Variants in RPS6KA2 observed in about 807,000 individuals in gnomAD.
RPS6KA2 encodes the protein ribosomal protein S6 kinase alpha-2.
RPS6KA2 carries 42 observed loss-of-function variants against 91.8 expected under a neutral mutation model. The observed-to-expected ratio is 0.46, with a 90% CI of 0.36 to 0.59. The LOEUF (loss-of-function observed/expected upper bound fraction) is 0.59, where lower values mean the gene tolerates loss of function less well. Ranked by LOEUF, RPS6KA2 falls within the 20% of genes least tolerant of loss-of-function variation. The pLI, the probability that RPS6KA2 is intolerant of heterozygous loss-of-function variation, is 0.00. For synonymous variants in RPS6KA2, 414 were observed against 393.6 expected (o/e 1.05, Z -0.61); for missense variants, 798 against 978.5 (o/e 0.82, Z 2.46).
At chr6:166,614,241 G>A (rs1202707370) in intron 1 of RPS6KA2, among the ~76,000 whole-genome samples, 1 of 152,228 alleles carries the variant, frequency 6.6e-6, no homozygotes, top group Non-Finnish European at 1.5e-5. Flanking sequence ...TTGATTTGTA[G>A]ACAGATATAG....
intron 2 of RPS6KA2, chr6:166,771,053 T>C: frequency 4.7e-6 from 3 of 632,680 alleles, no homozygotes; most frequent in Non-Finnish European, 7.7e-6. Context: ...CTCCACATAA[T>C]TTTAAGTAAT....
chr6:166,860,552 A>C (rs1307695210), intron 1 of RPS6KA2, among the ~76,000 whole-genome samples: 1 of 152,156 alleles, frequency 6.6e-6, no homozygotes, highest in African/African-American at 2.4e-5. Context: ...TGGTCACTGG[A>C]AATAATGTAA....
intron 2 of RPS6KA2, among the ~76,000 whole-genome samples, chr6:166,651,321 A>AT (rs961694146): frequency 6.6e-6 from 1 of 152,206 alleles, no homozygotes. Flanking sequence ...CAATTCAAAG[A>AT]TTTTTTTAAC....
At chr6:166,597,200 G>T (rs896134250) in intron 1 of RPS6KA2, among the ~76,000 whole-genome samples, 1 of 152,208 alleles carries the variant, frequency 6.6e-6, no homozygotes. Flanking sequence ...GGGGACATAG[G>T]CTACGGGATA....
rs6456099 is a variant in RPS6KA2, at chr6:166,639,173, T to C, written c.124-100389A>G. 0.33 allele frequency among the ~76,000 whole-genome samples: 49,531 copies of C among 152,066 alleles called. 8,528 individuals are homozygous for C. Among genetic ancestry groups the C allele is most frequent in the African/African-American group, 0.43 (17,952 of 41,454 alleles). On this transcript the variant is annotated intron_variant, in intron 2 of 21. Transcript: ENST00000503859. The surrounding 1 kb of genome is among the most constrained non-coding windows in gnomAD (Gnocchi z 4.2). ...TGGGAAGGCAGTCGACTCCCAAATA[T>C]GAGAATTTGTATCTGAAAACTCCCC...
At chr6:166,772,264 C>T (rs1240633319) in intron 2 of RPS6KA2, among the ~76,000 whole-genome samples, 8 of 151,988 alleles carry the variant, frequency 5.3e-5, no homozygotes, top group African/African-American at 1.9e-4. Flanking sequence ...GCCCCCCCAC[C>T]ACTGGGAGAA....
chr6:166,583,293 C>T (rs1338704078), intron 1 of RPS6KA2, among the ~76,000 whole-genome samples: 1 of 152,192 alleles, frequency 6.6e-6, no homozygotes, highest in Admixed American at 6.5e-5. Flanking sequence ...GCACTCTGCA[C>T]CCTGTAGGAC....
At chr6:166,753,528 G>C (rs547438650) in intron 2 of RPS6KA2, among the ~76,000 whole-genome samples, 9 of 152,104 alleles carry the variant, frequency 5.9e-5, no homozygotes, top group Middle Eastern at 3.4e-3. Flanking sequence ...TTAATACTAT[G>C]ACATCATATT....
intron 1 of RPS6KA2, among the ~76,000 whole-genome samples, chr6:166,541,348 T>C (rs531006931): frequency 7.9e-5 from 12 of 152,354 alleles, no homozygotes; most frequent in Non-Finnish European, 1.5e-4. Context: ...AGCCCTTGTG[T>C]ATGTTTCCTA....
At chr6:166,850,041 T>C (rs1311772807) in intron 2 of RPS6KA2, among the ~76,000 whole-genome samples, 4 of 152,288 alleles carry the variant, frequency 2.6e-5, no homozygotes, top group African/African-American at 9.6e-5. Context: ...CGTTTCCTTC[T>C]TGGTGGCCAC....
intron 1 of RPS6KA2, among the ~76,000 whole-genome samples, chr6:166,587,088 A>T (rs140933355): frequency 9.0e-4 from 137 of 152,384 alleles, no homozygotes; most frequent in African/African-American, 3.1e-3. Context: ...GGGTCCCCCA[A>T]ATCCCCATGT....
At chr6:166,470,067 T>C (rs1053239424) in intron 10 of RPS6KA2, among the ~76,000 whole-genome samples, 162 bp from the exon 11 acceptor site, 2 of 152,180 alleles carry the variant, frequency 1.3e-5, no homozygotes, top group African/African-American at 2.4e-5. Context: ...CACCTGCCGA[T>C]GCCCCCAGCT....
chr6:166,414,428 G>A (rs553115542), intron 19 of RPS6KA2, among the ~76,000 whole-genome samples: 2 of 152,210 alleles, frequency 1.3e-5, no homozygotes, highest in East Asian at 3.9e-4. Flanking sequence ...GTGCAATAAT[G>A]GTATTTTTCC....
At position 166,430,263 on chromosome 6, in the gene RPS6KA2, C is replaced by T. The variant is rs529174801; in HGVS notation, c.1581+190G>A. ...GATTACAGGTGTGAGCCACTGCACC[C>T]GGCTGGGAAGAGAATTTTTCTTCCC... is the stretch of plus-strand genomic sequence containing the variant. On this transcript the variant is annotated intron_variant, in intron 16 of 20. Coordinates refer to ENST00000265678, the MANE Select transcript of RPS6KA2 (RefSeq NM_021135.6). Among the ~76,000 whole-genome samples, 2 of 152,218 alleles carry T rather than the reference C, an allele frequency of 1.3e-5. No individual in the cohort carries two copies. Among genetic ancestry groups the T allele is most frequent in the South Asian group, 2.1e-4 (1 of 4,822 alleles).
intron 2 of RPS6KA2, among the ~76,000 whole-genome samples, chr6:166,720,924 T>C (rs1790152452): frequency 6.6e-6 from 1 of 152,132 alleles, no homozygotes; most frequent in Admixed American, 6.5e-5. Context: ...TCTCAGATAG[T>C]TGAGGAGAAG....
rs147344643 is a variant in RPS6KA2, at chr6:166,490,240, C to T, written c.818+431G>A. Reference sequence around the variant, plus strand: ...TCAGCAGGTGGGGAGGGAAAGGAGACCCCTGCTCCTGTGATCTCTCCGGAC... The same window carrying T: ...TCAGCAGGTGGGGAGGGAAAGGAGATCCCTGCTCCTGTGATCTCTCCGGAC... On this transcript the variant is annotated intron_variant, in intron 9 of 20. Transcript: ENST00000265678. This position sits in a 1 kb window ranked among gnomAD's most constrained non-coding sequence, Gnocchi z 4.2. Among the ~76,000 whole-genome samples, 1,374 of 152,274 alleles carry T rather than the reference C, an allele frequency of 9.0e-3. 17 individuals carry two copies. Among genetic ancestry groups the T allele is most frequent in the Non-Finnish European group, 0.012 (810 of 68,028 alleles).
intron 1 of RPS6KA2, among the ~76,000 whole-genome samples, chr6:166,584,407 T>G (rs535335945): frequency 6.6e-6 from 1 of 152,326 alleles, no homozygotes; most frequent in East Asian, 1.9e-4. Flanking sequence ...AATGTGAACA[T>G]GGAGGGATAC....
intron 2 of RPS6KA2, among the ~76,000 whole-genome samples, chr6:166,837,099 G>A (rs1444429469): frequency 2.0e-5 from 3 of 152,314 alleles, no homozygotes; most frequent in Admixed American, 6.5e-5. Context: ...CCCGCCCGAG[G>A]AAGACCGACG....
At chr6:166,686,638 A>G (rs1240883107) in intron 2 of RPS6KA2, among the ~76,000 whole-genome samples, 1 of 152,068 alleles carries the variant, frequency 6.6e-6, no homozygotes, top group African/African-American at 2.4e-5. Context: ...ACTTCTGCTC[A>G]TGCTTCAGCC....
Sources: allele counts gnomAD v4.1 joint callset (sites outside exome capture counted in the v4.1 genomes callset), GRCh38; gene constraint gnomAD v4.1.1; non-coding constraint Gnocchi (gnomAD v3.1); transcripts MANE v1.5; gene names NCBI Gene and HGNC (gene_info 2026-07-23, HGNC 2026-07-21).